Variants in CRHR1 observed in about 807,000 individuals in gnomAD.
CRHR1 encodes corticotropin-releasing hormone receptor 1.
Under a neutral mutation model 56.0 loss-of-function variants are expected in CRHR1, and 28 were observed. The observed-to-expected ratio is 0.50, with a 90% CI of 0.37 to 0.69. The LOEUF (loss-of-function observed/expected upper bound fraction) is 0.69, where lower values mean the gene tolerates loss of function less well. Among genes scored for constraint, CRHR1 ranks in the 30% least tolerant of loss-of-function variants. The pLI is 0.00. For missense variants in CRHR1, 376 were observed against 548.0 expected, an observed-to-expected ratio of 0.69 and a Z score of 3.13; for synonymous variants, 195 against 216.5, an observed-to-expected ratio of 0.90 and a Z score of 0.87.
chr17:45,833,439 G>A lies in CRHR1; in HGVS notation c.844-13G>A. On this transcript the variant is annotated splice_polypyrimidine_tract_variant and intron_variant, in intron 9 of 12. Coordinates refer to ENST00000314537, the MANE Select transcript of CRHR1 (RefSeq NM_004382.5). ...CTTGCACACTCCGGCCCGCTGGTGT[G>A]CTCAAATTGCAGATCAATTTCATCT... is the stretch of plus-strand genomic sequence containing the variant. The A allele has an allele frequency of 6.2e-7, 1 of 1,613,872 alleles. No homozygotes were observed. The highest frequency in any genetic ancestry group is 8.5e-7 in the Non-Finnish European group (1 of 1,179,924).
At chr17:45,804,475 G>A (rs1042764886) in intron 1 of CRHR1, among the ~76,000 whole-genome samples, 1 of 152,142 alleles carries the variant, frequency 6.6e-6, no homozygotes, top group Non-Finnish European at 1.5e-5. Flanking sequence ...GGGAGAGAGG[G>A]GAGCAGAGTC....
intron 1 of CRHR1, among the ~76,000 whole-genome samples, chr17:45,785,380 C>T (rs1046189734): frequency 6.6e-6 from 1 of 152,274 alleles, no homozygotes; most frequent in African/African-American, 2.4e-5. Context: ...CGGCCCGCCG[C>T]TCGTGTCAGG....
chr17:45,833,354 G>A, intron 9 of CRHR1, 98 bp from the exon 10 acceptor site: 1 of 1,461,154 alleles, frequency 6.8e-7, no homozygotes, highest in Non-Finnish European at 9.6e-7. Context: ...GTGCTCATGA[G>A]GAGGAGGGAG....
chr17:45,833,363 A>C, intron 9 of CRHR1, 89 bp from the exon 10 acceptor site: 1 of 1,483,458 alleles, frequency 6.7e-7, no homozygotes, highest in Non-Finnish European at 9.4e-7. Flanking sequence ...AGGAGGAGGG[A>C]GAACAGCAGG....
intron 2 of CRHR1, among the ~76,000 whole-genome samples, chr17:45,807,394 C>T (rs2146309226): frequency 6.6e-6 from 1 of 152,310 alleles, no homozygotes; most frequent in African/African-American, 2.4e-5. Flanking sequence ...AGGGTGGGCA[C>T]AGGGGAGGGC....
At chr17:45,817,423 C>A (rs994409163) in intron 3 of CRHR1, among the ~76,000 whole-genome samples, 1 of 152,180 alleles carries the variant, frequency 6.6e-6, no homozygotes, top group African/African-American at 2.4e-5. Context: ...CAAGAGGGCA[C>A]AGGGGTGAGC....
intron 2 of CRHR1, among the ~76,000 whole-genome samples, chr17:45,813,569 G>A (rs78051467): frequency 0.018 from 2,784 of 152,346 alleles, 87 homozygotes; most frequent in African/African-American, 0.063. Context: ...GGAGGGAGGG[G>A]GAGGCGCGGC....
chr17:45,803,163 T>C (rs1293786941), intron 1 of CRHR1, among the ~76,000 whole-genome samples: 1 of 152,050 alleles, frequency 6.6e-6, no homozygotes, highest in Non-Finnish European at 1.5e-5. Context: ...TGGCACAGAC[T>C]GCATGGGCAG....
intron 1 of CRHR1, among the ~76,000 whole-genome samples, chr17:45,803,775 T>TGTGTGTGTGTGCGC (rs71138510): frequency 6.7e-6 from 1 of 150,334 alleles, no homozygotes; most frequent in African/African-American, 2.4e-5. Flanking sequence ...TGTGTGTGTG[T>TGTGTGTGTGTGCGC]GCGTGCGCGT....
At chr17:45,813,157 C>T (rs1466183080) in intron 2 of CRHR1, among the ~76,000 whole-genome samples, 3 of 152,236 alleles carry the variant, frequency 2.0e-5, no homozygotes, top group Non-Finnish European at 4.4e-5. Context: ...CAGTCCCAGG[C>T]CGGGAAGTCC....
intron 1 of CRHR1, among the ~76,000 whole-genome samples, chr17:45,785,173 G>A (rs2061312494): frequency 6.6e-6 from 1 of 152,244 alleles, no homozygotes; most frequent in Non-Finnish European, 1.5e-5. Flanking sequence ...ACCGCGGCTG[G>A]GAGCGCGACG....
At chr17:45,830,059 A>G (rs2062260192) in intron 5 of CRHR1, 35 bp from the exon 6 acceptor site, 1 of 1,613,122 alleles carries the variant, frequency 6.2e-7, no homozygotes, top group Non-Finnish European at 8.5e-7. Flanking sequence ...TCTCTCTCCT[A>G]TCGCTCCCAT....
Position 45,816,723 on chromosome 17 carries a change from C to T in CRHR1, c.241+141C>T, listed in dbSNP as rs918582577. On this transcript the variant is annotated intron_variant, in intron 3 of 12. Transcript: ENST00000314537. ...ATCGCCCCTGTTTTCCAAAGGTCAG[C>T]GCTGTATTCTCCTGGGTGCCCTGTG... 8.2e-6 allele frequency: 11 copies of T among 1,348,016 alleles called. No homozygotes were observed. The African/African-American group carries it at 8.7e-5, about 11-fold the overall frequency. 83.5% of individuals were successfully genotyped at this position (1,348,016 alleles called of 1,614,324 possible). A position where few individuals can be genotyped will look rare whatever the true frequency, so the allele number is the denominator to read the frequency against.
chr17:45,798,503 G>T (rs1454314947), intron 1 of CRHR1, among the ~76,000 whole-genome samples: 49 of 146,694 alleles, frequency 3.3e-4, no homozygotes, highest in African/African-American at 1.3e-3. Flanking sequence ...TCCAGCCTGG[G>T]CGACAAGGCG....
At chr17:45,791,789 G>A (rs990029872) in intron 1 of CRHR1, among the ~76,000 whole-genome samples, 2 of 151,662 alleles carry the variant, frequency 1.3e-5, no homozygotes, top group East Asian at 1.9e-4. Flanking sequence ...TTGCCTCTGT[G>A]GGCCTGTGTG....
chr17:45,824,989 C>T (rs1245242726), intron 4 of CRHR1, among the ~76,000 whole-genome samples: 3 of 152,060 alleles, frequency 2.0e-5, no homozygotes, highest in Non-Finnish European at 4.4e-5. Flanking sequence ...GGCCTGGTGC[C>T]TAGCACTCTG....
At position 45,835,814 on chromosome 17, in the gene CRHR1, T is replaced by C. The variant is rs2062425550; in HGVS notation, c.*1050T>C. ...GGGTGGCTGGTATAAATAATATTTA[T>C]CTTTTCAACCAGCATTTGTGAAGGC... On this transcript the variant is annotated 3_prime_UTR_variant, in exon 13 of 13. Coordinates refer to ENST00000314537, the MANE Select transcript of CRHR1 (RefSeq NM_004382.5). 6.6e-6 allele frequency: 1 copy of C among 152,264 alleles called. No individual in the cohort carries two copies. Among genetic ancestry groups the C allele is most frequent in the Middle Eastern group, 3.1e-3 (1 of 318 alleles). The allele number at this position is 152,264 out of a possible 1,614,324, so 9.4% of individuals were successfully genotyped here. A position where few individuals can be genotyped will look rare whatever the true frequency, so the allele number is the denominator to read the frequency against.
chr17:45,821,475 G>T, intron 4 of CRHR1, 35 bp downstream of exon 4: 1 of 1,580,628 alleles, frequency 6.3e-7, no homozygotes, highest in South Asian at 1.1e-5. Flanking sequence ...CCCATATGGA[G>T]GGGAGTCCAG....
At chr17:45,833,674 TG>T in intron 10 of CRHR1, 39 bp from the exon 11 acceptor site, 1 of 1,602,106 alleles carries the variant, frequency 6.2e-7, no homozygotes, top group Non-Finnish European at 8.5e-7. Flanking sequence ...CGTCCTGGGG[TG>T]GGCTGTGACT....
Sources: allele counts gnomAD v4.1 joint callset (sites outside exome capture counted in the v4.1 genomes callset), GRCh38; gene constraint gnomAD v4.1.1; transcripts MANE v1.5; gene names NCBI Gene and HGNC (gene_info 2026-07-23, HGNC 2026-07-21).